Variants in BCAS3 observed in about 807,000 individuals in gnomAD.
BCAS3 encodes BCAS4/BCAS3 fusion.
Under a neutral mutation model 116.1 loss-of-function variants are expected in BCAS3, and 53 were observed. That is an observed-to-expected ratio of 0.46 (90% CI 0.37 to 0.57). The LOEUF is 0.57. Ranked by LOEUF, BCAS3 falls within the 20% of genes least tolerant of loss-of-function variation. The pLI, the probability that BCAS3 is intolerant of heterozygous loss-of-function variation, is 0.00. For missense variants in BCAS3, 917 were observed against 1,165.4 expected, an observed-to-expected ratio of 0.79 and a Z score of 3.10; for synonymous variants, 391 against 408.2, an observed-to-expected ratio of 0.96 and a Z score of 0.51.
At position 61,347,682 on chromosome 17, in the gene BCAS3, G is replaced by A. The variant is rs988314081; in HGVS notation, c.2426-20645G>A. Reference sequence around the variant, plus strand: ...TGCACAATAGACATCTGTTTTGTCTGTTGTGGAATTGGTGACTCTAGGTGC... The same window carrying A: ...TGCACAATAGACATCTGTTTTGTCTATTGTGGAATTGGTGACTCTAGGTGC... On this transcript the variant is annotated intron_variant, in intron 22 of 23. Coordinates refer to ENST00000407086, the MANE Select transcript of BCAS3 (RefSeq NM_017679.5). This position sits in a 1 kb window ranked among gnomAD's most constrained non-coding sequence, Gnocchi z 4.3. Among the ~76,000 whole-genome samples the A allele has an allele frequency of 2.0e-5, 3 of 152,200 alleles. No homozygotes were observed. Among genetic ancestry groups the A allele is most frequent in the Non-Finnish European group, 4.4e-5 (3 of 68,034 alleles).
Position 60,753,630 on chromosome 17 carries a change from C to T in BCAS3, c.403+6351C>T, listed in dbSNP as rs535641787. ...TTCACCATGTTAGCCAGGATGGTCTCGATCACCTGACCTCGTGATCTGCCT... is the reference window on the plus strand; with the variant it reads ...TTCACCATGTTAGCCAGGATGGTCTTGATCACCTGACCTCGTGATCTGCCT... On this transcript the variant is annotated intron_variant, in intron 6 of 23. Coordinates refer to ENST00000407086, the MANE Select transcript of BCAS3 (RefSeq NM_017679.5). 2.5e-4 allele frequency among the ~76,000 whole-genome samples: 38 copies of T among 151,954 alleles called. No homozygotes were observed. The South Asian group carries it at 7.7e-3, about 31-fold the overall frequency.
chr17:60,801,342 T>C (rs140373118), intron 6 of BCAS3, among the ~76,000 whole-genome samples: 122 of 152,316 alleles, frequency 8.0e-4, no homozygotes, highest in African/African-American at 2.7e-3. Context: ...GCTGATCTTA[T>C]AGCCTGTGAC....
In BCAS3 at chr17:61,186,940, G is replaced by A. The variant is rs1430626895; in HGVS notation, c.2425+102376G>A. On this transcript the variant is annotated intron_variant, in intron 22 of 23. Coordinates refer to ENST00000407086, the MANE Select transcript of BCAS3 (RefSeq NM_017679.5). This position sits in a 1 kb window ranked among gnomAD's most constrained non-coding sequence, Gnocchi z 4.9. ...TTAGCCAGGATGGTCTCGATCTCCT[G>A]ACCTCGTGATCCACCCACCTCGGCC... Among the ~76,000 whole-genome samples the A allele has an allele frequency of 6.6e-6, 1 of 152,094 alleles. No individual in the cohort carries two copies. Among genetic ancestry groups the A allele is most frequent in the Non-Finnish European group, 1.5e-5 (1 of 68,016 alleles).
chr17:60,725,305 G>A (rs1201363029), intron 5 of BCAS3, among the ~76,000 whole-genome samples: 1 of 152,128 alleles, frequency 6.6e-6, no homozygotes, highest in Non-Finnish European at 1.5e-5. Context: ...ATCTGAGAAA[G>A]TCCCAAAATA....
chr17:60,882,840 T>G (rs1447324586), intron 9 of BCAS3, among the ~76,000 whole-genome samples: 3 of 142,432 alleles, frequency 2.1e-5, no homozygotes, highest in Non-Finnish European at 4.5e-5. Context: ...TTTTGGTTAC[T>G]GTAGCCTTGT....
chr17:60,905,666 T>C (rs1040046847), intron 11 of BCAS3, among the ~76,000 whole-genome samples: 1 of 152,158 alleles, frequency 6.6e-6, no homozygotes, highest in African/African-American at 2.4e-5. Context: ...TGTTGTCTCA[T>C]GCCAAGGAAA....
Position 60,956,908 on chromosome 17 carries a change from A to G in BCAS3, c.1221+9556A>G, listed in dbSNP as rs1408427208. Among the ~76,000 whole-genome samples, 1 of 152,164 alleles carries G rather than the reference A, an allele frequency of 6.6e-6. No individual in the cohort carries two copies. The highest frequency in any genetic ancestry group is 1.9e-4 in the East Asian group (1 of 5,192). ...GGCCCTCTTTGAGTACTACAAAAGC[A>G]TGTTTTTCTGGATTCTTCCAAGAAC... On this transcript the variant is annotated intron_variant, in intron 14 of 23. Transcript: ENST00000407086. The surrounding 1 kb of genome is among the most constrained non-coding windows in gnomAD (Gnocchi z 4.2).
intron 23 of BCAS3, among the ~76,000 whole-genome samples, chr17:61,374,321 C>G (rs2059225059): frequency 6.6e-6 from 1 of 151,726 alleles, no homozygotes; most frequent in Non-Finnish European, 1.5e-5. Context: ...CAGGCATATG[C>G]CACCACACTC....
In BCAS3 at chr17:61,023,761, G is replaced by A. The variant is rs147933192; in HGVS notation, c.1637+7860G>A. On this transcript the variant is annotated intron_variant, in intron 16 of 23. Coordinates refer to ENST00000407086, the MANE Select transcript of BCAS3 (RefSeq NM_017679.5). This position sits in a 1 kb window ranked among gnomAD's most constrained non-coding sequence, Gnocchi z 4.8. ...AGAACTAATGGCCAGGTCATTTCAC[G>A]GTGGCCTATATATAAGTCTGTAATA... 3.3e-3 allele frequency among the ~76,000 whole-genome samples: 496 copies of A among 152,022 alleles called. 3 individuals are homozygous for A. Among genetic ancestry groups the A allele is most frequent in the Middle Eastern group, 0.014 (4 of 294 alleles).
chr17:61,054,324 A>G (rs565769508), intron 19 of BCAS3, among the ~76,000 whole-genome samples: 7 of 152,200 alleles, frequency 4.6e-5, no homozygotes, highest in African/African-American at 1.7e-4. Context: ...CCAGTTGGGG[A>G]AAAAAAGTGT....
At position 61,118,015 on chromosome 17, in the gene BCAS3, T is replaced by C. The variant is rs2075577628; in HGVS notation, c.2425+33451T>C. Among the ~76,000 whole-genome samples the C allele has an allele frequency of 6.6e-6, 1 of 152,268 alleles. No individual in the cohort carries two copies. Among genetic ancestry groups the C allele is most frequent in the East Asian group, 1.9e-4 (1 of 5,206 alleles). The stretch of plus-strand genomic sequence containing the variant: ...AGGATCTCTGTCATCTTGGTGTTGA[T>C]ATCTATTGATTGTCTTTTTTTCATT... On this transcript the variant is annotated intron_variant, in intron 22 of 23. Transcript: ENST00000407086. The surrounding 1 kb of genome is among the most constrained non-coding windows in gnomAD (Gnocchi z 5.0).
At chr17:60,842,741 A>G (rs886501565) in intron 7 of BCAS3, among the ~76,000 whole-genome samples, 3 of 151,988 alleles carry the variant, frequency 2.0e-5, no homozygotes, top group African/African-American at 4.8e-5. Context: ...TCTTTCTTCT[A>G]TCTCCTTGGA....
At chr17:60,708,591 T>C (rs138513401) in intron 4 of BCAS3, among the ~76,000 whole-genome samples, 10,605 of 152,004 alleles carry the variant, frequency 0.07, 1,224 homozygotes, top group African/African-American at 0.24. Context: ...AGTGCAGTGG[T>C]GCAATCTTGG....
chr17:60,760,008 C>T (rs994030806), intron 6 of BCAS3, among the ~76,000 whole-genome samples: 1 of 152,182 alleles, frequency 6.6e-6, no homozygotes, highest in Non-Finnish European at 1.5e-5. Flanking sequence ...GTGTTGCTCA[C>T]ATTTAGTTTC....
At chr17:61,175,842 A>G (rs2079099991) in intron 22 of BCAS3, among the ~76,000 whole-genome samples, 1 of 152,232 alleles carries the variant, frequency 6.6e-6, no homozygotes, top group Non-Finnish European at 1.5e-5. Context: ...ATTAAAAAAT[A>G]GGTAAGTTTG....
intron 6 of BCAS3, among the ~76,000 whole-genome samples, chr17:60,750,683 A>G (rs2042386522): frequency 6.6e-6 from 1 of 152,214 alleles, no homozygotes; most frequent in Non-Finnish European, 1.5e-5. Flanking sequence ...TTCCAGCATC[A>G]CATTCTGCCA....
intron 22 of BCAS3, among the ~76,000 whole-genome samples, chr17:61,116,926 T>C (rs1256598552): frequency 6.6e-6 from 1 of 152,224 alleles, no homozygotes; most frequent in Non-Finnish European, 1.5e-5. Context: ...TTTTTCTTTG[T>C]CTTTCATTTT....
chr17:61,097,247 C>T lies in BCAS3; in HGVS notation c.2425+12683C>T, dbSNP rs1238041080. Among the ~76,000 whole-genome samples, 2 of 152,128 alleles carry T rather than the reference C, an allele frequency of 1.3e-5. No individual in the cohort carries two copies. Among genetic ancestry groups the T allele is most frequent in the East Asian group, 1.9e-4 (1 of 5,188 alleles). ...AGGCTGGAGTGCAGTGGCGCAATCT[C>T]GGCTCACTGCAAGCTCCACCTCCCG... On this transcript the variant is annotated intron_variant, in intron 22 of 23. Transcript: ENST00000407086. This position sits in a 1 kb window ranked among gnomAD's most constrained non-coding sequence, Gnocchi z 4.0.
At chr17:61,042,525 C>G (rs2067594742) in intron 19 of BCAS3, among the ~76,000 whole-genome samples, 1 of 151,966 alleles carries the variant, frequency 6.6e-6, no homozygotes, top group Admixed American at 6.6e-5. Context: ...AGAACCACCA[C>G]TGTTGGCAGT....
Sources: allele counts gnomAD v4.1 joint callset (sites outside exome capture counted in the v4.1 genomes callset), GRCh38; gene constraint gnomAD v4.1.1; non-coding constraint Gnocchi (gnomAD v3.1); transcripts MANE v1.5; gene names NCBI Gene and HGNC (gene_info 2026-07-23, HGNC 2026-07-21).